The following KCNIP4 variants were observed in gnomAD, a reference collection of about 807,000 sequenced individuals.
KCNIP4 encodes Kv channel-interacting protein 4.
KCNIP4 carries 12 observed loss-of-function variants against 34.0 expected under a neutral mutation model. That is an observed-to-expected ratio of 0.35 (90% CI 0.23 to 0.57). The LOEUF is 0.57. Ranked by LOEUF, KCNIP4 falls within the 20% of genes least tolerant of loss-of-function variation. The probability of loss-of-function intolerance (pLI) is 0.83; values close to 1 mark genes in which losing one functional copy is unlikely to be tolerated. For missense variants in KCNIP4, 238 were observed against 311.7 expected (o/e 0.76, Z 1.78); for synonymous variants, 124 against 102.2 (o/e 1.21, Z -1.29).
At chr4:21,052,632 G>T (rs1743027963) in intron 1 of KCNIP4, among the ~76,000 whole-genome samples, 1 of 152,204 alleles carries the variant, frequency 6.6e-6, no homozygotes, top group African/African-American at 2.4e-5. Flanking sequence ...CTCCTGCAAG[G>T]AATTCATTAC....
At position 21,603,847 on chromosome 4, in the gene KCNIP4, G is replaced by T. The variant is rs115239197; in HGVS notation, c.61+344724C>A. 2.8e-3 allele frequency among the ~76,000 whole-genome samples: 422 copies of T among 152,060 alleles called. 2 individuals carry two copies. Among genetic ancestry groups the T allele is most frequent in the African/African-American group, 9.7e-3 (402 of 41,494 alleles). On this transcript the variant is annotated intron_variant, in intron 1 of 8. Coordinates refer to ENST00000382152, the MANE Select transcript of KCNIP4 (RefSeq NM_025221.6). Reference sequence around the variant, plus strand: ...TATAGAATTGGATTCTCATGTCTAAGGATTTGCACATTTAGGCAATTTATG... The same window carrying T: ...TATAGAATTGGATTCTCATGTCTAATGATTTGCACATTTAGGCAATTTATG...
intron 1 of KCNIP4, among the ~76,000 whole-genome samples, chr4:21,925,122 T>G (rs1332838529): frequency 6.6e-6 from 1 of 152,128 alleles, no homozygotes; most frequent in Non-Finnish European, 1.5e-5. Flanking sequence ...TTAGGGTACA[T>G]GTGTACAACG....
chr4:21,867,390 AAGTCTTGAT>A (rs1330222537), intron 1 of KCNIP4, among the ~76,000 whole-genome samples: 10 of 152,154 alleles, frequency 6.6e-5, no homozygotes, highest in Non-Finnish European at 1.0e-4. Context: ...TCTGCTCATA[AAGTCTTGAT>A]ATGAATTACT....
At chr4:21,684,133 AT>A (rs1305600188) in intron 1 of KCNIP4, among the ~76,000 whole-genome samples, 1 of 152,314 alleles carries the variant, frequency 6.6e-6, no homozygotes, top group African/African-American at 2.4e-5. Flanking sequence ...GTTAAAAAAA[AT>A]AAATCTGTAA....
chr4:21,203,956 C>A (rs1756672584), intron 1 of KCNIP4, among the ~76,000 whole-genome samples: 1 of 152,114 alleles, frequency 6.6e-6, no homozygotes, highest in Admixed American at 6.5e-5. Flanking sequence ...CAGAATGGCT[C>A]CAGGTACAGG....
At chr4:21,342,667 G>A (rs1716874010) in intron 1 of KCNIP4, among the ~76,000 whole-genome samples, 1 of 151,894 alleles carries the variant, frequency 6.6e-6, no homozygotes, top group Non-Finnish European at 1.5e-5. Flanking sequence ...AGGAAAAAAT[G>A]TATTCACCCC....
At chr4:20,973,671 A>G (rs1735201797) in intron 1 of KCNIP4, among the ~76,000 whole-genome samples, 3 of 152,120 alleles carry the variant, frequency 2.0e-5, no homozygotes, top group Non-Finnish European at 4.4e-5. Flanking sequence ...TTTTGATTTC[A>G]AGTGAGAGAT....
At chr4:21,400,773 T>C (rs1364578009) in intron 1 of KCNIP4, among the ~76,000 whole-genome samples, 2 of 152,152 alleles carry the variant, frequency 1.3e-5, no homozygotes, top group Non-Finnish European at 2.9e-5. Context: ...ATTTTAAAGC[T>C]GGAAGAGACC....
chr4:21,400,217 G>C (rs949784012), intron 1 of KCNIP4, among the ~76,000 whole-genome samples: 1 of 152,120 alleles, frequency 6.6e-6, no homozygotes, highest in Non-Finnish European at 1.5e-5. Flanking sequence ...CATTGCAGGG[G>C]AGCGTGGGTG....
intron 1 of KCNIP4, among the ~76,000 whole-genome samples, chr4:21,462,797 GTGTGTGTGTA>G (rs1729581890): frequency 7.3e-6 from 1 of 137,524 alleles, no homozygotes; most frequent in Non-Finnish European, 1.6e-5. Context: ...GTGTGTGTGT[GTGTGTGTGTA>G]TGTGTGTCTA....
rs116579684 is a variant in KCNIP4 at position 21,579,431 on chromosome 4, G to T, written c.61+369140C>A. Among the ~76,000 whole-genome samples the T allele has an allele frequency of 2.8e-3, 428 of 152,170 alleles. 4 individuals are homozygous for T. Among genetic ancestry groups the T allele is most frequent in the African/African-American group, 9.8e-3 (407 of 41,510 alleles). ...ATCTTCCTTCTAATTAGATTCCCTT[G>T]TGCCATGTTAAAAATTGATTTAATC... is the stretch of plus-strand genomic sequence containing the variant. On this transcript the variant is annotated intron_variant, in intron 1 of 8. Coordinates refer to ENST00000382152, the MANE Select transcript of KCNIP4 (RefSeq NM_025221.6).
chr4:21,114,198 A>G (rs1171105809), intron 1 of KCNIP4, among the ~76,000 whole-genome samples: 1 of 152,212 alleles, frequency 6.6e-6, no homozygotes, highest in East Asian at 1.9e-4. Flanking sequence ...CTCCCTGCAG[A>G]GATTCTACAA....
intron 3 of KCNIP4, among the ~76,000 whole-genome samples, chr4:20,841,001 T>A (rs933762939): frequency 6.6e-6 from 1 of 152,234 alleles, no homozygotes; most frequent in African/African-American, 2.4e-5. Flanking sequence ...TCATTACCAT[T>A]TGAGATTGCT....
chr4:21,310,635 T>A lies in KCNIP4; in HGVS notation c.62-427926A>T, dbSNP rs568872640. On this transcript the variant is annotated intron_variant, in intron 1 of 8. Transcript: ENST00000382152. ...AATAAATGTATTTCTTTCTTCTTCT[T>A]TTTTTTCTTTTTTTGAGACGGAATC... 4.0e-5 allele frequency among the ~76,000 whole-genome samples: 5 copies of A among 126,302 alleles called. No homozygotes were observed. The South Asian group carries it at 1.1e-3, about 29-fold the overall frequency. The allele number at this position is 126,302 out of a possible 152,430, so 82.9% of individuals were successfully genotyped here.
chr4:21,440,213 A>T (rs905360901), intron 1 of KCNIP4, among the ~76,000 whole-genome samples: 27 of 152,230 alleles, frequency 1.8e-4, no homozygotes, highest in African/African-American at 6.3e-4. Context: ...TTTATGTATA[A>T]GTAATCCATT....
chr4:21,759,609 T>C (rs16871854), intron 1 of KCNIP4, among the ~76,000 whole-genome samples: 4,262 of 152,208 alleles, frequency 0.028, 180 homozygotes, highest in African/African-American at 0.096. Flanking sequence ...CCCTGAGATC[T>C]GGGAAGTCAT....
intron 1 of KCNIP4, among the ~76,000 whole-genome samples, chr4:21,224,147 C>T (rs184242680): frequency 1.4e-4 from 22 of 152,116 alleles, no homozygotes; most frequent in African/African-American, 1.7e-4. Context: ...TTGTGTTGTC[C>T]CCGTCTCCAT....
intron 1 of KCNIP4, among the ~76,000 whole-genome samples, chr4:21,106,409 T>C (rs1748539406): frequency 6.6e-6 from 1 of 151,744 alleles, no homozygotes; most frequent in South Asian, 2.1e-4. Context: ...TATTCTCTGA[T>C]GGTAGTTTGT....
intron 1 of KCNIP4, among the ~76,000 whole-genome samples, chr4:21,198,998 CTA>C (rs1279160459): frequency 1.3e-5 from 2 of 152,142 alleles, no homozygotes; most frequent in African/African-American, 4.8e-5. Context: ...TGTCCTTTCT[CTA>C]TGTGAGGAGT....
Sources: allele counts gnomAD v4.1 joint callset (sites outside exome capture counted in the v4.1 genomes callset), GRCh38; gene constraint gnomAD v4.1.1; transcripts MANE v1.5; gene names NCBI Gene and HGNC (gene_info 2026-07-23, HGNC 2026-07-21).